SPAG16: variants seen among roughly 807,000 people sequenced by gnomAD.
SPAG16 encodes sperm-associated antigen 16 protein.
In SPAG16, 86 loss-of-function variants were observed where a neutral mutation model predicts 80.4. That is an observed-to-expected ratio of 1.07 (90% CI 0.90 to 1.28). The LOEUF (loss-of-function observed/expected upper bound fraction) is 1.28, where lower values mean the gene tolerates loss of function less well. Ranked by LOEUF, SPAG16 falls within the 50% of genes most tolerant of loss-of-function variation. The pLI is 0.00. For synonymous variants in SPAG16, 294 were observed against 265.9 expected (o/e 1.11, Z -1.03); for missense variants, 870 against 765.3 (o/e 1.14, Z -1.61).
intron 10 of SPAG16, among the ~76,000 whole-genome samples, chr2:213,607,165 T>C (rs2061292136): frequency 1.3e-5 from 2 of 152,236 alleles, no homozygotes; most frequent in Admixed American, 1.3e-4. Context: ...TCAAATTCAG[T>C]TTCTTCCATG....
At chr2:213,762,083 G>A (rs928896422) in intron 10 of SPAG16, among the ~76,000 whole-genome samples, 2 of 151,902 alleles carry the variant, frequency 1.3e-5, no homozygotes, top group Non-Finnish European at 2.9e-5. Flanking sequence ...CACATTAAGA[G>A]AACAAAGAAG....
chr2:213,317,721 A>G (rs1224176589), intron 5 of SPAG16: 1 of 988,130 alleles, frequency 1.0e-6, no homozygotes, highest in African/African-American at 1.7e-5. Context: ...GGAAATTGCT[A>G]GTTTATTCCT....
At chr2:214,273,738 C>CA (rs140420209) in intron 15 of SPAG16, among the ~76,000 whole-genome samples, 91,974 of 151,920 alleles carry the variant, frequency 0.61, 28,381 homozygotes, top group South Asian at 0.71. Context: ...GTGATACTTC[C>CA]AGCTTTGTTC....
chr2:214,316,144 GT>G (rs11292950), intron 15 of SPAG16, among the ~76,000 whole-genome samples: 127,504 of 145,212 alleles, frequency 0.88, 56,466 homozygotes, highest in East Asian at 1. Context: ...TACTTTTTGG[GT>G]TTTTTTTTTT....
At chr2:213,992,320 C>G (rs548390222) in intron 12 of SPAG16, among the ~76,000 whole-genome samples, 1 of 152,060 alleles carries the variant, frequency 6.6e-6, no homozygotes, top group Non-Finnish European at 1.5e-5. Context: ...GACAGTACAC[C>G]TTAACTGTTT....
At chr2:213,904,600 C>CAAAAAAAAAAAAAAAAAAAAAAAAAAAAA (rs34952255) in intron 11 of SPAG16, among the ~76,000 whole-genome samples, 1 of 89,478 alleles carries the variant, frequency 1.1e-5, no homozygotes. Context: ...ATAAATTTTG[C>CAAAAAAAAAAAAAAAAAAAAAAAAAAAAA]AAAAAAAAAA....
intron 13 of SPAG16, among the ~76,000 whole-genome samples, chr2:214,102,922 G>A (rs1460864884): frequency 6.6e-6 from 1 of 152,100 alleles, no homozygotes; most frequent in East Asian, 1.9e-4. Context: ...AAAAAAGGGA[G>A]GCCTTTAACC....
At chr2:213,632,081 A>G (rs150267822) in intron 10 of SPAG16, among the ~76,000 whole-genome samples, 3 of 152,116 alleles carry the variant, frequency 2.0e-5, no homozygotes, top group African/African-American at 7.2e-5. Flanking sequence ...TAGAATTGAC[A>G]TTTTAAAAAT....
intron 11 of SPAG16, among the ~76,000 whole-genome samples, chr2:213,899,815 A>G (rs2077143931): frequency 6.6e-6 from 1 of 152,150 alleles, no homozygotes; most frequent in Non-Finnish European, 1.5e-5. Flanking sequence ...AATATGCAAT[A>G]AAGAGGTTTT....
At chr2:213,310,833 T>G (rs2063157813) in intron 4 of SPAG16, among the ~76,000 whole-genome samples, 1 of 151,864 alleles carries the variant, frequency 6.6e-6, no homozygotes, top group South Asian at 2.1e-4. Context: ...ATTGTTTAAA[T>G]AAATTTATTA....
At chr2:213,325,746 T>C (rs1426108116) in intron 5 of SPAG16, among the ~76,000 whole-genome samples, 1 of 147,748 alleles carries the variant, frequency 6.8e-6, no homozygotes, top group Non-Finnish European at 1.5e-5. Context: ...TTTAATACTT[T>C]ATATTTATGA....
At chr2:213,677,755 G>C (rs1295138636) in intron 10 of SPAG16, among the ~76,000 whole-genome samples, 1 of 152,110 alleles carries the variant, frequency 6.6e-6, no homozygotes, top group Non-Finnish European at 1.5e-5. Flanking sequence ...ACTCAGCTCT[G>C]CACCAAGCGG....
intron 6 of SPAG16, among the ~76,000 whole-genome samples, chr2:213,343,576 A>G (rs538616667): frequency 6.6e-6 from 1 of 152,304 alleles, no homozygotes; most frequent in Non-Finnish European, 1.5e-5. Context: ...CAGAATTAGC[A>G]GGCAGGGACT....
chr2:213,542,135 A>G (rs963182048), intron 10 of SPAG16, among the ~76,000 whole-genome samples: 2 of 152,232 alleles, frequency 1.3e-5, no homozygotes, highest in Non-Finnish European at 1.5e-5. Flanking sequence ...CACAGTTTAC[A>G]TGGGAAACTG....
At chr2:214,389,630 T>G (rs986261017) in intron 15 of SPAG16, among the ~76,000 whole-genome samples, 6 of 152,146 alleles carry the variant, frequency 3.9e-5, no homozygotes, top group African/African-American at 1.4e-4. Context: ...ATAGGAGTGT[T>G]TAAGTAAGAG....
intron 3 of SPAG16, among the ~76,000 whole-genome samples, chr2:213,308,397 G>T (rs2063040066): frequency 6.6e-6 from 1 of 151,998 alleles, no homozygotes; most frequent in South Asian, 2.1e-4. Context: ...TATCCAAAAT[G>T]CTTGGGACCA....
chr2:213,662,883 GT>G (rs1248623314), intron 10 of SPAG16, among the ~76,000 whole-genome samples: 1 of 152,004 alleles, frequency 6.6e-6, no homozygotes, highest in African/African-American at 2.4e-5. Context: ...TTTGACAAAT[GT>G]TTGTAAATGA....
At chr2:214,028,531 G>A (rs2048249991) in intron 13 of SPAG16, among the ~76,000 whole-genome samples, 1 of 151,966 alleles carries the variant, frequency 6.6e-6, no homozygotes, top group South Asian at 2.1e-4. Context: ...TTGTATCTTT[G>A]TGGATGATAC....
intron 9 of SPAG16, among the ~76,000 whole-genome samples, chr2:213,379,705 C>G (rs1401585214): frequency 6.6e-6 from 1 of 152,190 alleles, no homozygotes. Context: ...GCTGGCTGAT[C>G]ACCCCAAGGA....
Sources: gnomAD v4.1 joint callset for allele counts (sites outside exome capture counted in the v4.1 genomes callset) on GRCh38, gnomAD v4.1.1 for gene constraint, MANE v1.5 for transcripts, NCBI Gene and HGNC (gene_info 2026-07-23, HGNC 2026-07-21) for gene names.